ZNF638: variants seen among roughly 807,000 people sequenced by gnomAD.
ZNF638 encodes zinc finger protein 638, also known as CTCL tumor antigen se33-1.
A neutral mutation model predicts 195.6 loss-of-function variants in ZNF638; 46 were observed. The ratio of observed to expected loss-of-function variants is 0.24; its 90% CI spans 0.19 to 0.30. The LOEUF (loss-of-function observed/expected upper bound fraction) is 0.30. ZNF638 is among the 10% of genes least tolerant of loss of function. ZNF638 has a pLI of 1.00. For missense variants in ZNF638, 2,440 were observed against 2,325.3 expected, an observed-to-expected ratio of 1.05 and a Z score of -1.01; for synonymous variants, 845 against 772.0, an observed-to-expected ratio of 1.09 and a Z score of -1.57.
chr2:71,350,048 G>A lies in ZNF638; in HGVS notation c.1094G>A (p.Gly365Glu), dbSNP rs756448232. The change falls in exon 2 of 28, where the codon GGA (glycine) becomes GAA (glutamate). Residue 365 changes from glycine to glutamate, a missense_variant. Around this residue, in one of 5 missense-constraint regions of ZNF638, gnomAD observed 305 missense variants for 283.6 expected, o/e 1.08. Transcript: ENST00000264447. ...ATTAATTCATCTAACGTACATGTTG[G>A]ATCAAGAGGAAGTAAAAAGAATTAC... The part of the protein sequence containing the change: ...PVINSSNVHV[G>E]SRGSKKNYQS... The A allele has an allele frequency of 6.2e-7, 1 of 1,614,006 alleles. No individual in the cohort carries two copies. The highest frequency in any genetic ancestry group is 8.5e-7 in the Non-Finnish European group (1 of 1,180,042).
intron 10 of ZNF638, among the ~76,000 whole-genome samples, chr2:71,389,107 C>T (rs1380801243): frequency 6.6e-6 from 1 of 152,170 alleles, no homozygotes; most frequent in Non-Finnish European, 1.5e-5. Flanking sequence ...GAACCATCAC[C>T]TACCTTACCG....
rs533450221 is a variant in ZNF638, at chr2:71,354,533, C to T, written c.1318-1186C>T. Among the ~76,000 whole-genome samples the T allele has an allele frequency of 2.8e-4, 42 of 152,018 alleles. 4 individuals carry two copies. Among genetic ancestry groups the T allele is most frequent in the Admixed American group, 2.0e-3 (31 of 15,270 alleles). ...GGTGGATCACCTGAGGTCAGGAGTT[C>T]GAGACCAGCCTGACAAACATGGTGA... On this transcript the variant is annotated intron_variant, in intron 2 of 27. Coordinates refer to ENST00000264447, the MANE Select transcript of ZNF638 (RefSeq NM_014497.5).
At chr2:71,335,870 G>A (rs1051494231) in intron 1 of ZNF638, among the ~76,000 whole-genome samples, 2 of 152,168 alleles carry the variant, frequency 1.3e-5, no homozygotes, top group African/African-American at 4.8e-5. Flanking sequence ...CCATGCATAT[G>A]TGGTAAAGGT....
rs774082161 is a variant in ZNF638, at chr2:71,406,188, C to T, written c.3061C>T (p.Leu1021Phe). 4.7e-5 allele frequency: 76 copies of T among 1,613,632 alleles called. No homozygotes were observed. The highest frequency in any genetic ancestry group is 1.7e-4 in the Middle Eastern group (1 of 6,054). Residue 1021 changes from leucine to phenylalanine, a missense_variant, in exon 19 of 28, where the codon CTT becomes TTT. This residue lies in a region of ZNF638 where 1,883 missense variants were observed against 1,739.1 expected (regional missense o/e 1.08). Transcript: ENST00000264447. ...VHLDNLPEDG[L>F]QCVLCVGLQF... Reference sequence around the variant, plus strand: ...TCTTGATAATTTACCGGAAGATGGACTTCAGTGTGTACTTTGTGTTGGACT... The same window carrying T: ...TCTTGATAATTTACCGGAAGATGGATTTCAGTGTGTACTTTGTGTTGGACT...
intron 10 of ZNF638, 38 bp downstream of exon 10, chr2:71,380,603 A>G (rs1573083432): frequency 5.9e-6 from 9 of 1,531,964 alleles, no homozygotes; most frequent in Non-Finnish European, 7.1e-6. Flanking sequence ...AAATGAGTGT[A>G]TCTTGTCAGT....
intron 1 of ZNF638, among the ~76,000 whole-genome samples, chr2:71,344,069 G>A (rs1416451257): frequency 6.6e-6 from 1 of 152,218 alleles, no homozygotes; most frequent in East Asian, 1.9e-4. Flanking sequence ...AGCGGAGGTT[G>A]CAGTGAGCCA....
At position 71,423,377 on chromosome 2, in the gene ZNF638, C is replaced by A. The variant is rs1313738813; in HGVS notation, c.3863C>A (p.Pro1288His). The A allele has an allele frequency of 1.2e-6, 2 of 1,613,706 alleles. No homozygotes were observed. Among genetic ancestry groups the A allele is most frequent in the East Asian group, 4.5e-5 (2 of 44,854 alleles). The change falls in exon 22 of 28, where the codon CCC (proline) becomes CAC (histidine). Residue 1288 changes from proline to histidine, a missense_variant. By Grantham distance (77) the Pro-to-His change is moderately conservative. Around this residue, in one of 5 missense-constraint regions of ZNF638, gnomAD observed 1,883 missense variants for 1,739.1 expected, o/e 1.08. Coordinates refer to ENST00000264447, the MANE Select transcript of ZNF638 (RefSeq NM_014497.5). Reference sequence around the variant, plus strand: ...ATTGTGACGTTAGTACCAGGAATTCCCACTGGGGATGAGAAGACAGTGGAC... The same window carrying A: ...ATTGTGACGTTAGTACCAGGAATTCACACTGGGGATGAGAAGACAGTGGAC... ...TCIVTLVPGI[P>H]TGDEKTVDKK... is the part of the protein sequence containing the mutation.
At chr2:71,379,739 A>G (rs78547469) in intron 8 of ZNF638, 1 of 152,324 alleles carries the variant, frequency 6.6e-6, no homozygotes, top group Non-Finnish European at 1.5e-5. Context: ...TATTCTTACA[A>G]CTTATTTTTT....
Position 71,369,778 on chromosome 2 carries a change from A to G in ZNF638, c.2143-105A>G, listed in dbSNP as rs1051108893. The G allele has an allele frequency of 7.3e-6, 8 of 1,095,938 alleles. No homozygotes were observed. The African/African-American group carries it at 8.2e-5, about 11-fold the overall frequency. 67.9% of individuals were successfully genotyped at this position (1,095,938 alleles called of 1,614,324 possible). A position where few individuals can be genotyped will look rare whatever the true frequency, so the allele number is the denominator to read the frequency against. ...GGCAAAAGCAACCATGACTTGAGGT[A>G]GTTTCATAGTTTGATGTTACAAAAG... is the stretch of plus-strand genomic sequence containing the variant. On this transcript the variant is annotated intron_variant, in intron 7 of 27. Transcript: ENST00000264447.
At chr2:71,409,686 C>G (rs184072213) in intron 20 of ZNF638, among the ~76,000 whole-genome samples, 3 of 152,290 alleles carry the variant, frequency 2.0e-5, no homozygotes, top group African/African-American at 4.8e-5. Context: ...GGAAAAATGA[C>G]AGTCTTCATG....
chr2:71,406,960 A>G (rs560758364), intron 19 of ZNF638, among the ~76,000 whole-genome samples: 8 of 152,290 alleles, frequency 5.3e-5, no homozygotes, highest in Admixed American at 1.3e-4. Context: ...TGTTCACGCC[A>G]CCACACTCCA....
intron 10 of ZNF638, chr2:71,395,493 G>A (rs1342257123): frequency 3.3e-6 from 2 of 605,398 alleles, no homozygotes; most frequent in Non-Finnish European, 5.9e-6. Context: ...TGACGCTAAG[G>A]GCAAGAAGTA....
Position 71,349,883 on chromosome 2 carries a change from C to T in ZNF638, c.929C>T (p.Ser310Phe), listed in dbSNP as rs771280488. 3 of 1,614,170 alleles carry T rather than the reference C, an allele frequency of 1.9e-6. No homozygotes were observed. The highest frequency in any genetic ancestry group is 2.5e-6 in the Non-Finnish European group (3 of 1,180,032). Residue 310 changes from serine to phenylalanine, a missense_variant, in exon 2 of 28, where the codon TCC becomes TTC. Ser to Phe is a radical substitution (Grantham distance 155). Around this residue, in one of 5 missense-constraint regions of ZNF638, gnomAD observed 305 missense variants for 283.6 expected, o/e 1.08. Coordinates refer to ENST00000264447, the MANE Select transcript of ZNF638 (RefSeq NM_014497.5). ...CAGTCAGTCCTTGAACCCATAAAAT[C>T]CGTCAACCAATCCATTAACCAAACA... ...GGQSVLEPIK[S>F]VNQSINQTVS...
intron 1 of ZNF638, among the ~76,000 whole-genome samples, chr2:71,337,916 A>T (rs1353548863): frequency 6.6e-6 from 1 of 152,170 alleles, no homozygotes; most frequent in Admixed American, 6.5e-5. Context: ...TGAAGAATAC[A>T]ATCTGCTTTG....
chr2:71,361,905 A>G (rs936486288), intron 3 of ZNF638, among the ~76,000 whole-genome samples: 1 of 152,230 alleles, frequency 6.6e-6, no homozygotes, highest in Non-Finnish European at 1.5e-5. Context: ...TCTGAGGCAA[A>G]TAGCAACCAA....
At chr2:71,400,434 T>C in intron 14 of ZNF638, 44 bp from the exon 15 acceptor site, 2 of 1,569,386 alleles carry the variant, frequency 1.3e-6, no homozygotes, top group Non-Finnish European at 8.6e-7. Context: ...AGTAGGATCT[T>C]GATAAGTATG....
intron 6 of ZNF638, among the ~76,000 whole-genome samples, chr2:71,367,725 C>T: frequency 7.0e-6 from 1 of 142,048 alleles, no homozygotes. Context: ...AGGCGTGAGC[C>T]ACCAGGCCTG....
At chr2:71,433,081 C>T (rs1242719975) in intron 26 of ZNF638, 84 bp from the exon 27 acceptor site, 12 of 1,077,338 alleles carry the variant, frequency 1.1e-5, no homozygotes, top group South Asian at 5.4e-5. Context: ...AGTGAGACTC[C>T]GTCTCAAATA....
At chr2:71,371,065 A>G (rs1272201453) in intron 8 of ZNF638, among the ~76,000 whole-genome samples, 1 of 152,106 alleles carries the variant, frequency 6.6e-6, no homozygotes, top group African/African-American at 2.4e-5. Context: ...GGGATTTTTT[A>G]GATACCACAA....
Sources: gnomAD v4.1 joint callset for allele counts (sites outside exome capture counted in the v4.1 genomes callset) on GRCh38, gnomAD v4.1.1 for gene constraint, gnomAD v4.1.1 regional missense constraint, MANE v1.5 for transcripts, NCBI Gene and HGNC (gene_info 2026-07-23, HGNC 2026-07-21) for gene names.